DACT1: variants seen among roughly 807,000 people sequenced by gnomAD.
DACT1 encodes dishevelled binding antagonist of beta catenin 1, also known as dapper homolog 1.
A neutral mutation model predicts 35.3 loss-of-function variants in DACT1; 19 were observed. That is an observed-to-expected ratio of 0.54 (90% CI 0.38 to 0.79). DACT1 has a LOEUF of 0.79. Ranked by LOEUF, DACT1 falls within the 30% of genes least tolerant of loss-of-function variation. The pLI, the probability that DACT1 is intolerant of heterozygous loss-of-function variation, is 0.00. For missense variants in DACT1, 1,143 were observed against 1,057.5 expected (o/e 1.08, Z -1.12); for synonymous variants, 545 against 466.7 (o/e 1.17, Z -2.16).
At position 58,638,085 on chromosome 14, in the gene DACT1, A is replaced by G. The variant is rs2140210727; in HGVS notation, c.-118A>G. 2.7e-6 allele frequency: 3 copies of G among 1,094,662 alleles called. No homozygotes were observed. The highest frequency in any genetic ancestry group is 9.3e-5 in the South Asian group (2 of 21,500). 67.8% of individuals were successfully genotyped at this position (1,094,662 alleles called of 1,614,324 possible). ...AGGGCTTCTAGCCACCGTCCCCGCCAGCGCCGCGCCCCGCCACAGGGCGGC... is the reference window on the plus strand; with the variant it reads ...AGGGCTTCTAGCCACCGTCCCCGCCGGCGCCGCGCCCCGCCACAGGGCGGC... On this transcript the variant is annotated 5_prime_UTR_variant, in exon 1 of 4. Transcript: ENST00000395153.
intron 1 of DACT1, among the ~76,000 whole-genome samples, chr14:58,639,797 C>T (rs1203206637): frequency 1.3e-5 from 2 of 152,028 alleles, no homozygotes; most frequent in Non-Finnish European, 1.5e-5. Context: ...TGTGCTGCTT[C>T]GGTCACAGAC....
In DACT1 at chr14:58,646,391, G is replaced by T; in HGVS notation, c.1657G>T (p.Ala553Ser). Residue 553 changes from alanine (A) to serine (S), a missense_variant, in exon 4 of 4, where the codon GCC (alanine) becomes TCC (serine). Coordinates refer to ENST00000395153, the MANE Select transcript of DACT1 (RefSeq NM_001079520.2). ...KNSSLKHRGP[A>S]LQGLENGLPT... ...CTCCAGCCTGAAGCACCGCGGCCCA[G>T]CCCTCCAGGGGCTGGAGAACGGCTT... The T allele has an allele frequency of 6.2e-7, 1 of 1,603,198 alleles. No individual in the cohort carries two copies. The highest frequency in any genetic ancestry group is 8.5e-7 in the Non-Finnish European group (1 of 1,177,374).
chr14:58,635,720 A>T (rs892265027), upstream of DACT1, among the ~76,000 whole-genome samples: 9 of 152,210 alleles, frequency 5.9e-5, no homozygotes, highest in African/African-American at 2.2e-4. Context: ...GTTTGGAGAC[A>T]TAGCGAGCTT....
chr14:58,642,753 A>C (rs567506261), intron 3 of DACT1, among the ~76,000 whole-genome samples: 1 of 152,354 alleles, frequency 6.6e-6, no homozygotes, highest in South Asian at 2.1e-4. Context: ...CCTGGCCAAG[A>C]ACTGGTTGGC....
upstream of DACT1, among the ~76,000 whole-genome samples, chr14:58,636,297 A>C (rs1189992458): frequency 6.6e-6 from 1 of 152,228 alleles, no homozygotes; most frequent in African/African-American, 2.4e-5. Flanking sequence ...TAAGTTTAAA[A>C]GTATGCTAAT....
chr14:58,645,727 A>C lies in DACT1; in HGVS notation c.993A>C (p.Lys331Asn), dbSNP rs776069867. 7.4e-6 allele frequency: 12 copies of C among 1,614,078 alleles called. No homozygotes were observed. Among genetic ancestry groups the C allele is most frequent in the Non-Finnish European group, 9.3e-6 (11 of 1,180,038 alleles). ...CCAGCGTGAACGCTGACCCCACGAA[A>C]GGGCTTCTGAGGAACGGGAGCGTTT... ...PRTSVNADPT[K>N]GLLRNGSVCV... Residue 331 changes from lysine (K) to asparagine (N), a missense_variant, in exon 4 of 4, where the codon AAA (lysine) becomes AAC (asparagine). This residue lies in a region of DACT1 where 1,054 missense variants were observed against 958.8 expected (regional missense o/e 1.10). Transcript: ENST00000395153.
chr14:58,638,382 C>A lies in DACT1; in HGVS notation c.180C>A (p.Tyr60Ter). The part of the protein sequence containing the change: ...ATLAGLAELE[Y>*]LRQRQELLVR... ...TGGCCGGGCTGGCGGAGCTGGAGTA[C>A]CTGCGCCAGCGCCAAGAGCTGCTGG... Residue 60 changes from tyrosine (Y) to a stop codon, truncating the protein, a stop_gained, in exon 1 of 4, where the codon TAC becomes TAA. Transcript: ENST00000395153. LOFTEE classifies it high-confidence loss of function. 7.7e-7 allele frequency: 1 copy of A among 1,300,376 alleles called. No individual in the cohort carries two copies. The highest frequency in any genetic ancestry group is 9.7e-7 in the Non-Finnish European group (1 of 1,026,998). The allele number at this position is 1,300,376 out of a possible 1,614,324, so 80.6% of individuals were successfully genotyped here.
chr14:58,640,283 A>G (rs1341586325), intron 1 of DACT1, among the ~76,000 whole-genome samples: 1 of 152,266 alleles, frequency 6.6e-6, no homozygotes, highest in Non-Finnish European at 1.5e-5. Context: ...AATAGAAAAC[A>G]AAACTCTGCA....
chr14:58,640,985 A>T, intron 2 of DACT1, 117 bp downstream of exon 2: 1 of 1,144,650 alleles, frequency 8.7e-7, no homozygotes, highest in Non-Finnish European at 1.2e-6. Context: ...TGCAGAGAGG[A>T]TAAACAAAAA....
chr14:58,634,861 G>A (rs183827775), upstream of DACT1, among the ~76,000 whole-genome samples: 675 of 152,336 alleles, frequency 4.4e-3, 2 homozygotes, highest in Non-Finnish European at 8.3e-3. Context: ...TGTGTGATAT[G>A]AGGGACATGT....
At position 58,646,873 on chromosome 14, in the gene DACT1, C is replaced by T. The variant is rs1338533664; in HGVS notation, c.2139C>T (p.Thr713=). The T allele has an allele frequency of 6.2e-7, 1 of 1,614,050 alleles. No homozygotes were observed. Among genetic ancestry groups the T allele is most frequent in the Non-Finnish European group, 8.5e-7 (1 of 1,180,040 alleles). ...GTGAGGACGAGCAGAGCAATTACACCACCAACTGCTTCGGGGACAGCGAGT... is the reference window on the plus strand; with the variant it reads ...GTGAGGACGAGCAGAGCAATTACACTACCAACTGCTTCGGGGACAGCGAGT... ...DTSEDEQSNY[T]TNCFGDSESS... Residue 713 remains threonine (T), a synonymous_variant, in exon 4 of 4, where the codon ACC becomes ACT. Transcript: ENST00000395153.
In DACT1 at chr14:58,646,732, G is replaced by T. The variant is rs760282795; in HGVS notation, c.1998G>T (p.Gly666=). ...GGCGCGGTCGCCGGGAGAATGTGGG[G>T]CTGTACCCCGCGCCTGTGCCTCTGC... The part of the protein sequence containing the change: ...RARRGRRENV[G]LYPAPVPLPY... The change falls in exon 4 of 4, where the codon GGG becomes GGT. Residue 666 remains glycine, a synonymous_variant. Transcript: ENST00000395153. 1.9e-6 allele frequency: 3 copies of T among 1,613,686 alleles called. No homozygotes were observed. In the South Asian group the frequency reaches 3.3e-5, roughly 18 times the overall value.
Position 58,640,854 on chromosome 14 carries a change from G to C in DACT1, c.464G>C (p.Ser155Thr). The C allele has an allele frequency of 6.2e-7, 1 of 1,614,164 alleles. No individual in the cohort carries two copies. ...TCTGAAGAGCACCTGGAGACAGACAGTCGGCCTAGCTCAGGTGAGTGATTG... is the reference window on the plus strand; with the variant it reads ...TCTGAAGAGCACCTGGAGACAGACACTCGGCCTAGCTCAGGTGAGTGATTG... Reference protein sequence around the residue: ...KTSEEHLETDSRPSSGFYELS... With the variant: ...KTSEEHLETDTRPSSGFYELS... The change falls in exon 2 of 4, where the codon AGT becomes ACT. Residue 155 changes from serine (S) to threonine (T), a missense_variant. Transcript: ENST00000395153.
intron 3 of DACT1, among the ~76,000 whole-genome samples, chr14:58,643,602 AC>A (rs2047647305): frequency 6.6e-6 from 1 of 152,178 alleles, no homozygotes; most frequent in Non-Finnish European, 1.5e-5. Context: ...TCAGAGGGAA[AC>A]TTTATAAACC....
At chr14:58,645,015 T>A (rs1301665803) in intron 3 of DACT1, among the ~76,000 whole-genome samples, 1 of 152,232 alleles carries the variant, frequency 6.6e-6, no homozygotes. Context: ...ATGCAGTAGT[T>A]TGAAAACACT....
intron 1 of DACT1, chr14:58,638,844 C>T: frequency 2.7e-6 from 3 of 1,120,686 alleles, no homozygotes; most frequent in Non-Finnish European, 3.3e-6. Flanking sequence ...TTGGAGTCGC[C>T]TAGTTCTAAC....
rs371662684 is a variant in DACT1 at position 58,645,486 on chromosome 14, C to T, written c.752C>T (p.Thr251Met). ...VQSPMFLLCL[T>M]GNPLREEDRL... ...AGCCCAATGTTTCTCCTTTGTCTGA[C>T]GGGCAACCCTCTGAGGGAAGAGGAC... The change falls in exon 4 of 4, where the codon ACG becomes ATG. Residue 251 changes from threonine to methionine, a missense_variant. Around this residue, in one of 3 missense-constraint regions of DACT1, gnomAD observed 1,054 missense variants for 958.8 expected, o/e 1.10. Coordinates refer to ENST00000395153, the MANE Select transcript of DACT1 (RefSeq NM_001079520.2). 30 of 1,614,052 alleles carry T rather than the reference C, an allele frequency of 1.9e-5. No homozygotes were observed. The highest frequency in any genetic ancestry group is 6.6e-5 in the South Asian group (6 of 91,082).
At position 58,638,333 on chromosome 14, in the gene DACT1, C is replaced by A; in HGVS notation, c.131C>A (p.Thr44Asn). Residue 44 changes from threonine (T) to asparagine (N), a missense_variant, in exon 1 of 4, where the codon ACC (threonine) becomes AAC (asparagine). Physicochemically the swap from Thr to Asn is moderately conservative, Grantham distance 65 (BLOSUM62 0). Around this residue, in one of 3 missense-constraint regions of DACT1, gnomAD observed 85 missense variants for 81.8 expected, o/e 1.04. Transcript: ENST00000395153. Reference sequence around the variant, plus strand: ...GAGGCAGACACCGAGCGGCAGCGCACCCGGGAGCGGCAGGAGGCCACGCTG... The same window carrying A: ...GAGGCAGACACCGAGCGGCAGCGCAACCGGGAGCGGCAGGAGGCCACGCTG... ...KGEADTERQR[T>N]RERQEATLAG... 7.6e-7 allele frequency: 1 copy of A among 1,316,770 alleles called. No individual in the cohort carries two copies. Among genetic ancestry groups the A allele is most frequent in the Non-Finnish European group, 9.6e-7 (1 of 1,038,470 alleles). 81.6% of individuals were successfully genotyped at this position (1,316,770 alleles called of 1,614,324 possible).
At position 58,645,579 on chromosome 14, in the gene DACT1, C is replaced by T. The variant is rs772018481; in HGVS notation, c.845C>T (p.Ser282Phe). The T allele has an allele frequency of 2.5e-6, 4 of 1,614,068 alleles. No individual in the cohort carries two copies. In the African/African-American group the frequency reaches 5.3e-5, roughly 22 times the overall value. Reference protein sequence around the residue: ...SELDAVKTDSSLPSPSSLWSA... With the variant: ...SELDAVKTDSFLPSPSSLWSA... ...CTAGATGCCGTCAAAACAGACAGTT[C>T]CTTACCGTCCCCAAGCAGTCTGTGG... is the stretch of plus-strand genomic sequence containing the variant. Residue 282 changes from serine (S) to phenylalanine (F), a missense_variant, in exon 4 of 4, where the codon TCC (serine) becomes TTC (phenylalanine). Transcript: ENST00000395153.
Sources: allele counts gnomAD v4.1 joint callset (sites outside exome capture counted in the v4.1 genomes callset), GRCh38; gene constraint gnomAD v4.1.1; regional missense constraint gnomAD v4.1.1; transcripts MANE v1.5; gene names NCBI Gene and HGNC (gene_info 2026-07-23, HGNC 2026-07-21).